The following BCL2L11 variants were observed in gnomAD, a reference collection of about 807,000 sequenced individuals.
BCL2L11 encodes the protein BCL2 like 11.
Under a neutral mutation model 20.6 loss-of-function variants are expected in BCL2L11, and 15 were observed. That is an observed-to-expected ratio of 0.73 (90% CI 0.49 to 1.12). The LOEUF (loss-of-function observed/expected upper bound fraction) is 1.12. Ranked by LOEUF, BCL2L11 falls within the 50% of genes most tolerant of loss-of-function variation. The probability of loss-of-function intolerance (pLI) is 0.00; values close to 1 mark genes in which losing one functional copy is unlikely to be tolerated. For missense variants in BCL2L11, 292 were observed against 260.9 expected (o/e 1.12, Z -0.82); for synonymous variants, 108 against 92.8 (o/e 1.16, Z -0.94).
At chr2:111,123,656 C>G in intron 1 of BCL2L11, 77 bp from the exon 2 acceptor site, 1 of 1,294,738 alleles carries the variant, frequency 7.7e-7, no homozygotes, top group Non-Finnish European at 1.0e-6. Flanking sequence ...TTTTTAATCG[C>G]TAGGTGAGAG....
intron 2 of BCL2L11, among the ~76,000 whole-genome samples, chr2:111,134,373 ATATT>A (rs1193696400): frequency 2.0e-5 from 3 of 152,144 alleles, no homozygotes; most frequent in Admixed American, 6.5e-5. Flanking sequence ...TGTGAAATAT[ATATT>A]CTAAGTCTAC....
chr2:111,128,941 C>A (rs966081694), intron 2 of BCL2L11: 2 of 995,402 alleles, frequency 2.0e-6, no homozygotes, highest in Non-Finnish European at 2.8e-6. Context: ...AACAGGCTGG[C>A]CTCACAGAGG....
chr2:111,154,720 T>C (rs2077631964), intron 3 of BCL2L11, among the ~76,000 whole-genome samples: 1 of 152,260 alleles, frequency 6.6e-6, no homozygotes. Context: ...TCTTCCACTG[T>C]GAAGTTAGTA....
intron 2 of BCL2L11, among the ~76,000 whole-genome samples, chr2:111,147,386 A>T (rs1261696843): frequency 7.0e-6 from 1 of 142,798 alleles, no homozygotes; most frequent in Admixed American, 7.0e-5. Context: ...ACACACACAC[A>T]CACACCCGCC....
Position 111,123,852 on chromosome 2 carries a change from T to TACAG in BCL2L11, c.113_116dup (p.Glu39AspfsTer6). On this transcript the variant is annotated frameshift_variant, in exon 2 of 4. Coordinates refer to ENST00000393256, the MANE Select transcript of BCL2L11 (RefSeq NM_138621.5). LOFTEE classifies it high-confidence loss of function. ...CTCAGACCTGGGGCCCCTACCTCCC[T>TACAG]ACAGACAGAGCCACAAGGTAATCCT... is the stretch of plus-strand genomic sequence containing the variant. The TACAG allele has an allele frequency of 6.3e-7, 1 of 1,588,654 alleles. No homozygotes were observed. The highest frequency in any genetic ancestry group is 8.6e-7 in the Non-Finnish European group (1 of 1,167,636).
intron 1 of BCL2L11, chr2:111,123,379 G>T: frequency 3.0e-6 from 3 of 985,486 alleles, no homozygotes; most frequent in Non-Finnish European, 3.6e-6. Context: ...ACCCCGGGAA[G>T]TCAGAGCCGC....
intron 2 of BCL2L11, among the ~76,000 whole-genome samples, chr2:111,139,780 G>C (rs775160194): frequency 3.3e-5 from 5 of 152,202 alleles, no homozygotes; most frequent in Non-Finnish European, 7.3e-5. Flanking sequence ...TGTCTCCCCA[G>C]TGTCCTCTGG....
chr2:111,123,410 G>T (rs1056327733), intron 1 of BCL2L11: 1 of 985,456 alleles, frequency 1.0e-6, no homozygotes, highest in Non-Finnish European at 1.2e-6. Context: ...TGACTTACTC[G>T]AAGAAGTCTG....
At position 111,164,916 on chromosome 2, in the gene BCL2L11, A is replaced by G. The variant is rs2078955108; in HGVS notation, c.*685A>G. ...AATATTTACGTACCTTTATAAATTCAGTTGCATCTGTGGCAAAATTTCAGA... is the reference window on the plus strand; with the variant it reads ...AATATTTACGTACCTTTATAAATTCGGTTGCATCTGTGGCAAAATTTCAGA... On this transcript the variant is annotated 3_prime_UTR_variant, in exon 4 of 4. Transcript: ENST00000393256. 6.6e-6 allele frequency: 1 copy of G among 152,324 alleles called. No homozygotes were observed. Among genetic ancestry groups the G allele is most frequent in the Non-Finnish European group, 1.5e-5 (1 of 68,040 alleles). The allele number at this position is 152,324 out of a possible 1,614,324, so 9.4% of individuals were successfully genotyped here.
At chr2:111,124,368 G>A (rs1343819063) in intron 2 of BCL2L11, among the ~76,000 whole-genome samples, 3 of 150,600 alleles carry the variant, frequency 2.0e-5, no homozygotes, top group Non-Finnish European at 2.9e-5. Flanking sequence ...TCAGCTCACC[G>A]CAAGCTCCAC....
intron 2 of BCL2L11, among the ~76,000 whole-genome samples, chr2:111,125,283 C>T (rs1051061805): frequency 1.3e-5 from 2 of 152,214 alleles, no homozygotes; most frequent in Non-Finnish European, 2.9e-5. Flanking sequence ...GAACCTACAG[C>T]ATGTGACTTT....
intron 2 of BCL2L11, chr2:111,131,938 G>A (rs368166686): frequency 6.6e-6 from 1 of 152,104 alleles, no homozygotes; most frequent in Non-Finnish European, 1.5e-5. Context: ...CATACCCAAG[G>A]AACAGTAGAT....
At chr2:111,121,614 G>A (rs994347411) in intron 1 of BCL2L11, among the ~76,000 whole-genome samples, 1 of 152,208 alleles carries the variant, frequency 6.6e-6, no homozygotes, top group African/African-American at 2.4e-5. Context: ...GCAGTGTGAG[G>A]GTGTTTCGTG....
intron 3 of BCL2L11, 123 bp downstream of exon 3, chr2:111,150,270 G>C (rs2077091941): frequency 6.7e-7 from 1 of 1,501,558 alleles, no homozygotes; most frequent in Non-Finnish European, 8.9e-7. Flanking sequence ...CTGTTGCCTA[G>C]TTGTGACCTT....
intron 3 of BCL2L11, chr2:111,161,628 G>A: frequency 6.9e-7 from 1 of 1,440,330 alleles, no homozygotes; most frequent in Non-Finnish European, 9.1e-7. Flanking sequence ...CTCAGTCTTA[G>A]TGTCATACTT....
intron 2 of BCL2L11, among the ~76,000 whole-genome samples, chr2:111,134,795 A>T (rs1465037636): frequency 3.3e-5 from 5 of 152,218 alleles, no homozygotes. Context: ...TAGAATTCGC[A>T]GTTGATGTAT....
chr2:111,147,390 A>ACACACACACACACACACC lies in BCL2L11; in HGVS notation c.395-2653_395-2652insACACACACACACACACCC, dbSNP rs1039299406. 1.0e-4 allele frequency among the ~76,000 whole-genome samples: 14 copies of ACACACACACACACACACC among 138,356 alleles called. No homozygotes were observed. In the East Asian group the frequency reaches 2.6e-3, roughly 26 times the overall value. 90.8% of individuals were successfully genotyped at this position (138,356 alleles called of 152,430 possible). ...CACACACACACACACACACACACAC[A>ACACACACACACACACACC]CCCGCCATTTCTCCCTGCCAGAGCT... On this transcript the variant is annotated intron_variant, in intron 2 of 3. Coordinates refer to ENST00000393256, the MANE Select transcript of BCL2L11 (RefSeq NM_138621.5).
intron 1 of BCL2L11, among the ~76,000 whole-genome samples, chr2:111,121,526 A>T (rs765803544): frequency 1.4e-4 from 21 of 152,054 alleles, no homozygotes; most frequent in Admixed American, 4.6e-4. Context: ...GGAGCTGAGG[A>T]CCTGCTCGTA....
chr2:111,150,044 C>G lies in BCL2L11; in HGVS notation c.395C>G (p.Ala132Gly). 1 of 1,613,316 alleles carries G rather than the reference C, an allele frequency of 6.2e-7. No individual in the cohort carries two copies. The highest frequency in any genetic ancestry group is 8.5e-7 in the Non-Finnish European group (1 of 1,179,528). The change falls in exon 3 of 4, where the codon GCT becomes GGT. Residue 132 changes from alanine to glycine, a missense_variant and splice_region_variant. Transcript: ENST00000393256. ...QAFNHYLSAM[A>G]SMRQAEPADM... ...TTTGTTTTGTTTTGTTCTGATGCAG[C>G]TTCCATGAGGCAGGCTGAACCTGCA...
Sources: gnomAD v4.1 joint callset for allele counts (sites outside exome capture counted in the v4.1 genomes callset) on GRCh38, gnomAD v4.1.1 for gene constraint, MANE v1.5 for transcripts, NCBI Gene and HGNC (gene_info 2026-07-23, HGNC 2026-07-21) for gene names.